The following CEP95 variants were observed in gnomAD, a reference collection of about 807,000 sequenced individuals.
The protein encoded by CEP95 is centrosomal protein of 95 kDa.
CEP95 carries 98 observed loss-of-function variants against 111.2 expected under a neutral mutation model. The observed-to-expected ratio is 0.88, with a 90% CI of 0.75 to 1.04. The LOEUF (loss-of-function observed/expected upper bound fraction) is 1.04, where lower values mean the gene tolerates loss of function less well. CEP95 is among the 50% of genes least tolerant of loss of function. The pLI, the probability that CEP95 is intolerant of heterozygous loss-of-function variation, is 0.00. For synonymous variants in CEP95, 323 were observed against 327.1 expected (o/e 0.99, Z 0.14); for missense variants, 1,027 against 977.2 (o/e 1.05, Z -0.68).
chr17:64,529,148 A>G, intron 11 of CEP95, 140 bp from the exon 12 acceptor site: 2 of 676,386 alleles, frequency 3.0e-6, no homozygotes, highest in South Asian at 1.9e-5. Flanking sequence ...TACCATACCA[A>G]TTCAAGTTAG....
chr17:64,509,195 A>G (rs1214492904), intron 2 of CEP95, among the ~76,000 whole-genome samples: 1 of 152,212 alleles, frequency 6.6e-6, no homozygotes, highest in African/African-American at 2.4e-5. Context: ...AAGACAGTTA[A>G]TAAGCGCATA....
rs748647555 is a variant in CEP95 at position 64,514,273 on chromosome 17, A to G, written c.282A>G (p.Lys94=). Residue 94 remains lysine (K), a synonymous_variant, in exon 4 of 20, where the codon AAA becomes AAG. Transcript: ENST00000556440. ...ITGENIVKGD[K]ESIKNLLEIF... ...GAGAAAATATAGTGAAAGGAGATAA[A>G]GAATCTATTAAGAATCTCCTGGAAA... The G allele has an allele frequency of 4.4e-5, 64 of 1,460,476 alleles. No homozygotes were observed. The highest frequency in any genetic ancestry group is 5.8e-5 in the Non-Finnish European group (62 of 1,064,826). The allele number at this position is 1,460,476 out of a possible 1,614,324, so 90.5% of individuals were successfully genotyped here.
chr17:64,531,121 A>AT, intron 13 of CEP95, 103 bp downstream of exon 13: 1 of 589,464 alleles, frequency 1.7e-6, no homozygotes, highest in Non-Finnish European at 2.8e-6. Flanking sequence ...GGCCTTAATC[A>AT]TGAGCTCTTT....
At chr17:64,536,501 A>AT (rs1168423687) in intron 17 of CEP95, 101 bp from the exon 18 acceptor site, 7 of 807,424 alleles carry the variant, frequency 8.7e-6, no homozygotes, top group South Asian at 2.1e-5. Context: ...TAAAACTAGT[A>AT]TTTAAAAAAA....
At chr17:64,506,934 G>A (rs1555673063), upstream of CEP95, 4 of 773,642 alleles carry the variant, frequency 5.2e-6, no homozygotes, top group East Asian at 2.7e-5. Context: ...TGACCAATCA[G>A]CGGCGAGAAG....
chr17:64,519,129 A>C (rs1967111338), intron 5 of CEP95, among the ~76,000 whole-genome samples, 192 bp from the exon 6 acceptor site: 1 of 152,238 alleles, frequency 6.6e-6, no homozygotes, highest in Non-Finnish European at 1.5e-5. Context: ...CTATACATTT[A>C]ATCGTTGACA....
intron 11 of CEP95, among the ~76,000 whole-genome samples, chr17:64,527,670 G>A (rs1402674926): frequency 2.0e-5 from 3 of 151,952 alleles, no homozygotes; most frequent in South Asian, 4.2e-4. Flanking sequence ...TCTGCAACTT[G>A]CGTTTTTTTC....
chr17:64,516,786 C>T lies in CEP95; in HGVS notation c.431C>T (p.Thr144Ile). The T allele has an allele frequency of 6.2e-7, 1 of 1,611,156 alleles. No individual in the cohort carries two copies. Among genetic ancestry groups the T allele is most frequent in the Non-Finnish European group, 8.5e-7 (1 of 1,177,500 alleles). Residue 144 changes from threonine to isoleucine, a missense_variant, in exon 5 of 20, where the codon ACT becomes ATT. By Grantham distance (89) the Thr-to-Ile change is moderately conservative (BLOSUM62 -1). Coordinates refer to ENST00000556440, the MANE Select transcript of CEP95 (RefSeq NM_138363.3). ...GAACGTTTGGAAGAGCCAGAAAGTA[C>T]TAAAGAATCTAAATCATCATGGAAA... ...RGERLEEPES[T>I]KESKSSWKRV...
chr17:64,537,497 T>C, intron 19 of CEP95, 106 bp from the exon 20 acceptor site: 12 of 1,442,038 alleles, frequency 8.3e-6, no homozygotes, highest in Non-Finnish European at 1.1e-5. Context: ...GCTAGATTAT[T>C]GAAAATTTTG....
intron 4 of CEP95, among the ~76,000 whole-genome samples, chr17:64,515,515 A>G (rs1274330179): frequency 6.6e-6 from 1 of 152,148 alleles, no homozygotes; most frequent in Admixed American, 6.6e-5. Flanking sequence ...TGCCTGGCTA[A>G]TGATATGGCA....
intron 3 of CEP95, among the ~76,000 whole-genome samples, chr17:64,513,808 C>T (rs573500477): frequency 1.3e-5 from 2 of 152,192 alleles, no homozygotes; most frequent in East Asian, 3.9e-4. Context: ...CTATAATCTT[C>T]TGAACAAACC....
chr17:64,507,700 T>C, intron 1 of CEP95: 1 of 986,124 alleles, frequency 1.0e-6, no homozygotes, highest in Non-Finnish European at 1.2e-6. Flanking sequence ...GTTGTCATGG[T>C]TTGGCCAGCT....
intron 6 of CEP95, among the ~76,000 whole-genome samples, chr17:64,520,184 G>A (rs1488950988): frequency 6.6e-6 from 1 of 152,172 alleles, no homozygotes; most frequent in Non-Finnish European, 1.5e-5. Context: ...TTGCAGAAAC[G>A]GGTTCTGTGA....
chr17:64,534,383 C>T, intron 16 of CEP95: 2 of 526,912 alleles, frequency 3.8e-6, no homozygotes, highest in East Asian at 6.6e-5. Context: ...CTGCCCTCTG[C>T]TGCAGTGGGG....
At chr17:64,527,882 A>ATG (rs1555679476) in intron 11 of CEP95, among the ~76,000 whole-genome samples, 6 of 143,308 alleles carry the variant, frequency 4.2e-5, no homozygotes, top group African/African-American at 1.5e-4. Flanking sequence ...ATATATATAT[A>ATG]TATATATATA....
intron 12 of CEP95, among the ~76,000 whole-genome samples, chr17:64,529,751 C>G (rs1329823816): frequency 6.6e-6 from 1 of 152,130 alleles, no homozygotes; most frequent in Non-Finnish European, 1.5e-5. Context: ...TGAAAGGCCA[C>G]TTGAGTTACA....
chr17:64,534,227 C>G (rs1968486018), intron 16 of CEP95: 1 of 211,986 alleles, frequency 4.7e-6, no homozygotes, highest in South Asian at 9.7e-5. Flanking sequence ...TGCCTAAATG[C>G]TCCTGGCAGC....
At position 64,534,870 on chromosome 17, in the gene CEP95, T is replaced by C. The variant is rs1240141147; in HGVS notation, c.2070+133T>C. ...AACTGAAGTCCTATAGTGCTGGCCC[T>C]GAGTTCTGCTTGGCCACACTTCATT... On this transcript the variant is annotated intron_variant, in intron 17 of 19. Transcript: ENST00000556440. The C allele has an allele frequency of 3.9e-6, 4 of 1,012,732 alleles. No individual in the cohort carries two copies. The South Asian group carries it at 4.2e-5, about 11-fold the overall frequency. 62.7% of individuals were successfully genotyped at this position (1,012,732 alleles called of 1,614,324 possible).
rs1388089807 is a variant in CEP95, at chr17:64,533,179, TAAC to T, written c.1908_1910del (p.Asn636del). On this transcript the variant is annotated inframe_deletion, in exon 16 of 20. Transcript: ENST00000556440. ...CCCTTGTCAAGAAAGAATATGAACA[TAAC>T]AAGAGACTGGTATGTCAAGAGCAAG... 1.3e-6 allele frequency: 2 copies of T among 1,585,674 alleles called. No individual in the cohort carries two copies. Among genetic ancestry groups the T allele is most frequent in the African/African-American group, 1.4e-5 (1 of 72,758 alleles).
Sources: allele counts gnomAD v4.1 joint callset (sites outside exome capture counted in the v4.1 genomes callset), GRCh38; gene constraint gnomAD v4.1.1; transcripts MANE v1.5; gene names NCBI Gene and HGNC (gene_info 2026-07-23, HGNC 2026-07-21).